TMCC1: variants seen among roughly 807,000 people sequenced by gnomAD.
TMCC1 encodes the protein transmembrane and coiled-coil domain family 1.
In TMCC1, 15 loss-of-function variants were observed where a neutral mutation model predicts 52.4. The observed-to-expected ratio is 0.29, with a 90% CI of 0.19 to 0.44. The LOEUF (loss-of-function observed/expected upper bound fraction) is 0.44, where lower values mean the gene tolerates loss of function less well. Among genes scored for constraint, TMCC1 ranks in the 20% least tolerant of loss-of-function variants. The pLI, the probability that TMCC1 is intolerant of heterozygous loss-of-function variation, is 1.00. For synonymous variants in TMCC1, 279 were observed against 301.9 expected, an observed-to-expected ratio of 0.92 and a Z score of 0.79; for missense variants, 503 against 806.0, an observed-to-expected ratio of 0.62 and a Z score of 4.55.
In TMCC1 at chr3:129,746,003, C is replaced by G. The variant is rs926111781; in HGVS notation, c.577-74739G>C. ...AACACCTGGCCTTAAGTGATCCTCC[C>G]GCCTCAGCCTCCCAAAGTGCTGGGA... is the stretch of plus-strand genomic sequence containing the variant. On this transcript the variant is annotated intron_variant, in intron 4 of 6. Coordinates refer to ENST00000393238, the MANE Select transcript of TMCC1 (RefSeq NM_001017395.5). Among the ~76,000 whole-genome samples the G allele has an allele frequency of 1.1e-4, 16 of 151,560 alleles. 1 individual carries two copies. Among genetic ancestry groups the G allele is most frequent in the Admixed American group, 2.6e-4 (4 of 15,230 alleles).
chr3:129,758,465 T>G (rs1297982489), intron 4 of TMCC1, among the ~76,000 whole-genome samples: 2 of 152,168 alleles, frequency 1.3e-5, no homozygotes, highest in African/African-American at 4.8e-5. Context: ...CGTAGCAATC[T>G]TGGTTGCTAA....
At chr3:129,856,156 T>A in intron 2 of TMCC1, among the ~76,000 whole-genome samples, 1 of 152,164 alleles carries the variant, frequency 6.6e-6, no homozygotes, top group Non-Finnish European at 1.5e-5. Context: ...AATAAAGTTT[T>A]AAAAAAATAT....
intron 4 of TMCC1, among the ~76,000 whole-genome samples, chr3:129,736,477 T>TA (rs2050975288): frequency 6.6e-6 from 1 of 151,836 alleles, no homozygotes; most frequent in Non-Finnish European, 1.5e-5. Flanking sequence ...ACTTCTCCTT[T>TA]AAAAAAATGA....
At chr3:129,703,558 G>A (rs558438572) in intron 4 of TMCC1, among the ~76,000 whole-genome samples, 2 of 152,172 alleles carry the variant, frequency 1.3e-5, no homozygotes, top group Non-Finnish European at 2.9e-5. Flanking sequence ...GGCTTAAAAT[G>A]AATCAAGATT....
intron 2 of TMCC1, among the ~76,000 whole-genome samples, chr3:129,870,718 CGGGGGGGGGGGGGG>C (rs56383150): frequency 7.2e-5 from 1 of 13,902 alleles, no homozygotes; most frequent in South Asian, 4.5e-3. Context: ...CGCGGGTTGG[CGGGGGGGGGGGGGG>C]GGGGGCGACA....
chr3:129,884,769 TAA>T (rs113116865), intron 1 of TMCC1, among the ~76,000 whole-genome samples: 1 of 151,278 alleles, frequency 6.6e-6, no homozygotes, highest in Non-Finnish European at 1.5e-5. Context: ...TTCTTTGAGA[TAA>T]AAAAAAATGG....
intron 2 of TMCC1, among the ~76,000 whole-genome samples, chr3:129,842,453 G>A (rs2059460971): frequency 2.0e-5 from 3 of 149,792 alleles, no homozygotes; most frequent in African/African-American, 7.5e-5. Flanking sequence ...GTGATACAGC[G>A]AGACTTTGTC....
intron 4 of TMCC1, among the ~76,000 whole-genome samples, chr3:129,713,014 C>T (rs1380590278): frequency 6.6e-6 from 1 of 152,106 alleles, no homozygotes; most frequent in Non-Finnish European, 1.5e-5. Context: ...GTAATCCCAG[C>T]ACTTTGGGGT....
At chr3:129,719,158 C>T (rs1464230470) in intron 4 of TMCC1, among the ~76,000 whole-genome samples, 1 of 152,158 alleles carries the variant, frequency 6.6e-6, no homozygotes, top group Non-Finnish European at 1.5e-5. Flanking sequence ...CAGCCCCACC[C>T]CCCAACCTCT....
chr3:129,821,771 A>C (rs2058435625), intron 4 of TMCC1, among the ~76,000 whole-genome samples: 1 of 152,204 alleles, frequency 6.6e-6, no homozygotes, highest in African/African-American at 2.4e-5. Context: ...CTCACTAAAT[A>C]TAAGAGTCCG....
intron 4 of TMCC1, among the ~76,000 whole-genome samples, chr3:129,673,471 C>T (rs2088139412): frequency 6.6e-6 from 1 of 152,208 alleles, no homozygotes; most frequent in African/African-American, 2.4e-5. Context: ...AGATCCAAGA[C>T]TCTAAGCTTC....
intron 2 of TMCC1, among the ~76,000 whole-genome samples, chr3:129,838,018 G>A (rs1252448820): frequency 1.3e-5 from 2 of 152,178 alleles, no homozygotes; most frequent in Non-Finnish European, 2.9e-5. Flanking sequence ...AGCTGTGGCA[G>A]AAGTCCAGAA....
At chr3:129,861,624 G>A (rs183497094) in intron 2 of TMCC1, among the ~76,000 whole-genome samples, 5 of 152,232 alleles carry the variant, frequency 3.3e-5, no homozygotes, top group Admixed American at 2.6e-4. Context: ...ATTAAAAGAT[G>A]CTCACCTTGT....
chr3:129,860,786 GA>G (rs1320825039), intron 2 of TMCC1, among the ~76,000 whole-genome samples: 2 of 152,112 alleles, frequency 1.3e-5, no homozygotes, highest in East Asian at 3.9e-4. Flanking sequence ...TTTTAGTAGA[GA>G]TGGCGTTTCA....
At chr3:129,800,524 T>C (rs1576900592) in intron 4 of TMCC1, among the ~76,000 whole-genome samples, 1 of 151,994 alleles carries the variant, frequency 6.6e-6, no homozygotes, top group Non-Finnish European at 1.5e-5. Flanking sequence ...CTGGTAGAGG[T>C]GTCATGGCAT....
intron 4 of TMCC1, among the ~76,000 whole-genome samples, chr3:129,808,741 T>C (rs2057614167): frequency 6.7e-6 from 1 of 150,364 alleles, no homozygotes; most frequent in Admixed American, 6.6e-5. Context: ...AAGATATGGA[T>C]AGGAAAAAGA....
intron 4 of TMCC1, among the ~76,000 whole-genome samples, chr3:129,671,540 C>A (rs931181258): frequency 1.9e-4 from 29 of 152,306 alleles, no homozygotes; most frequent in Admixed American, 1.7e-3. Flanking sequence ...TTTCTTCACA[C>A]AATAACACTC....
chr3:129,804,929 A>G (rs1011582979), intron 4 of TMCC1, among the ~76,000 whole-genome samples: 1 of 152,194 alleles, frequency 6.6e-6, no homozygotes, highest in Admixed American at 6.5e-5. Flanking sequence ...GGACAGAAGA[A>G]TCTTTTAACT....
rs554727360 is a variant in TMCC1 at position 129,850,602 on chromosome 3, G to A, written c.-183-17776C>T. Among the ~76,000 whole-genome samples the A allele has an allele frequency of 2.6e-5, 4 of 152,294 alleles. No individual in the cohort carries two copies. The South Asian group carries it at 8.3e-4, about 32-fold the overall frequency. On this transcript the variant is annotated intron_variant, in intron 2 of 6. Coordinates refer to ENST00000393238, the MANE Select transcript of TMCC1 (RefSeq NM_001017395.5). ...TACAACAGTTTTCCAAACAATAGTTGCCGAGACCAGCTCGGTGGGGGAGAC... is the reference window on the plus strand; with the variant it reads ...TACAACAGTTTTCCAAACAATAGTTACCGAGACCAGCTCGGTGGGGGAGAC...
Sources: allele counts gnomAD v4.1 joint callset (sites outside exome capture counted in the v4.1 genomes callset), GRCh38; gene constraint gnomAD v4.1.1; transcripts MANE v1.5; gene names NCBI Gene and HGNC (gene_info 2026-07-23, HGNC 2026-07-21).